The following CAMSAP1 variants were observed in gnomAD, a reference collection of about 807,000 sequenced individuals.
CAMSAP1 encodes calmodulin regulated spectrin associated protein 1.
CAMSAP1 carries 58 observed loss-of-function variants against 143.5 expected under a neutral mutation model. The observed-to-expected ratio is 0.40, with a 90% confidence interval of 0.33 to 0.50. CAMSAP1 has a LOEUF of 0.50. CAMSAP1 is among the 20% of genes least tolerant of loss of function. CAMSAP1 has a pLI of 0.45. For missense variants in CAMSAP1, 1,969 were observed against 2,115.7 expected (o/e 0.93, Z 1.36); for synonymous variants, 945 against 859.3 (o/e 1.10, Z -1.74).
Position 135,822,037 on chromosome 9 carries a change from G to A in CAMSAP1, c.2624C>T (p.Ala875Val). 1 of 1,612,672 alleles carries A rather than the reference G, an allele frequency of 6.2e-7. No individual in the cohort carries two copies. The change falls in exon 11 of 17, where the codon GCA becomes GTA. Residue 875 changes from alanine (A) to valine (V), a missense_variant. Physicochemically the swap from Ala to Val is moderately conservative, Grantham distance 64. Coordinates refer to ENST00000389532, the MANE Select transcript of CAMSAP1 (RefSeq NM_015447.4). The surrounding 1 kb of genome is among the most constrained non-coding windows in gnomAD (Gnocchi z 6.1). ...QHGKDPASLL[A>V]SELVQLHMQL... ...CATGTGCAGCTGTACCAGCTCAGAT[G>A]CCAGGAGGCTGGCGGGATCCTTGCC... is the stretch of plus-strand genomic sequence containing the variant.
At chr9:135,846,705 CA>C (rs1433607717) in intron 7 of CAMSAP1, among the ~76,000 whole-genome samples, 1 of 126,398 alleles carries the variant, frequency 7.9e-6, no homozygotes, top group African/African-American at 3.0e-5. Flanking sequence ...AAAAAAAAAT[CA>C]AAAAGTGGGC....
At chr9:135,865,057 C>T (rs1837327002) in intron 4 of CAMSAP1, among the ~76,000 whole-genome samples, 1 of 152,174 alleles carries the variant, frequency 6.6e-6, no homozygotes, top group African/African-American at 2.4e-5. Context: ...GTATCTATCA[C>T]AAAAATGCCC....
intron 5 of CAMSAP1, among the ~76,000 whole-genome samples, chr9:135,859,180 C>A (rs1837082727): frequency 6.6e-6 from 1 of 152,242 alleles, no homozygotes; most frequent in Non-Finnish European, 1.5e-5. Flanking sequence ...GGATCTGCTG[C>A]AGTCTCACCT....
chr9:135,889,416 C>T (rs1260848829), intron 1 of CAMSAP1, among the ~76,000 whole-genome samples: 2 of 152,186 alleles, frequency 1.3e-5, no homozygotes, highest in Admixed American at 1.3e-4. Flanking sequence ...GGCAATGTCC[C>T]AAGGTTGGGA....
Position 135,891,167 on chromosome 9 carries a change from G to A in CAMSAP1, c.161-8089C>T, listed in dbSNP as rs573299056. Reference sequence around the variant, plus strand: ...GAGGAAAAGGGGCCCCTACAAGCTGGAGGGGGAATCCTGAGGGCTCCCACT... The same window carrying A: ...GAGGAAAAGGGGCCCCTACAAGCTGAAGGGGGAATCCTGAGGGCTCCCACT... On this transcript the variant is annotated intron_variant, in intron 1 of 16. Coordinates refer to ENST00000389532, the MANE Select transcript of CAMSAP1 (RefSeq NM_015447.4). Among the ~76,000 whole-genome samples, 10 of 152,288 alleles carry A rather than the reference G, an allele frequency of 6.6e-5. No homozygotes were observed. In the East Asian group the frequency reaches 1.9e-3, roughly 29 times the overall value.
At chr9:135,867,074 T>C (rs1837402396) in intron 3 of CAMSAP1, among the ~76,000 whole-genome samples, 1 of 152,072 alleles carries the variant, frequency 6.6e-6, no homozygotes, top group Non-Finnish European at 1.5e-5. Context: ...TAACTCAATA[T>C]CAAAATTGCA....
intron 4 of CAMSAP1, among the ~76,000 whole-genome samples, chr9:135,863,009 A>G (rs1004163805): frequency 6.6e-6 from 1 of 152,246 alleles, no homozygotes; most frequent in Non-Finnish European, 1.5e-5. Context: ...CCTGACGCTC[A>G]GAAGACCCAA....
chr9:135,902,429 G>C (rs559858665), intron 1 of CAMSAP1, among the ~76,000 whole-genome samples: 4 of 152,150 alleles, frequency 2.6e-5, no homozygotes, highest in Non-Finnish European at 5.9e-5. Context: ...GGTTTCACCT[G>C]TAAATTTAAA....
chr9:135,859,645 G>A (rs999930060), intron 5 of CAMSAP1, among the ~76,000 whole-genome samples: 1 of 151,804 alleles, frequency 6.6e-6, no homozygotes, highest in African/African-American at 2.4e-5. Context: ...ACCCACCTCG[G>A]CCTCCCAAAG....
At chr9:135,866,619 ACTTCACCT>A (rs1361193888) in intron 3 of CAMSAP1, 83 bp from the exon 4 acceptor site, 1 of 707,600 alleles carries the variant, frequency 1.4e-6, no homozygotes, top group Non-Finnish European at 2.5e-6. Flanking sequence ...AGAGACCCCC[ACTTCACCT>A]GATTCACCTC....
At chr9:135,844,192 T>C (rs1836468035) in intron 7 of CAMSAP1, among the ~76,000 whole-genome samples, 1 of 152,146 alleles carries the variant, frequency 6.6e-6, no homozygotes, top group Non-Finnish European at 1.5e-5. Context: ...ATTGACCACA[T>C]AATTGGAAGT....
intron 3 of CAMSAP1, among the ~76,000 whole-genome samples, chr9:135,876,338 A>G (rs1479798924): frequency 6.6e-6 from 1 of 152,244 alleles, no homozygotes; most frequent in Non-Finnish European, 1.5e-5. Flanking sequence ...ACATCTGACA[A>G]GGCCCTTGAT....
At chr9:135,835,726 C>A (rs1443536033) in intron 7 of CAMSAP1, among the ~76,000 whole-genome samples, 2 of 152,200 alleles carry the variant, frequency 1.3e-5, no homozygotes, top group Admixed American at 1.3e-4. Flanking sequence ...CGCCTGTAAG[C>A]CCAGCACTTT....
intron 6 of CAMSAP1, 39 bp downstream of exon 6, chr9:135,850,283 C>A (rs780517342): frequency 6.2e-7 from 1 of 1,612,230 alleles, no homozygotes; most frequent in Non-Finnish European, 8.5e-7. Flanking sequence ...TTTATTCACA[C>A]ATGGTTTTAA....
intron 1 of CAMSAP1, among the ~76,000 whole-genome samples, chr9:135,890,457 C>A (rs1357133163): frequency 6.6e-6 from 1 of 152,162 alleles, no homozygotes; most frequent in Non-Finnish European, 1.5e-5. Flanking sequence ...CTGGGAGGAG[C>A]TGTCCGTGCC....
chr9:135,873,612 G>C (rs1837638045), intron 3 of CAMSAP1, among the ~76,000 whole-genome samples: 1 of 151,838 alleles, frequency 6.6e-6, no homozygotes, highest in Non-Finnish European at 1.5e-5. Flanking sequence ...ACAGATCGCA[G>C]GTATATTAAA....
At position 135,821,844 on chromosome 9, in the gene CAMSAP1, G is replaced by C; in HGVS notation, c.2817C>G (p.Tyr939Ter). ...CACAGTCCTCCCCGTTGTGCTGAGAGTACTCCTTTGCAAAGTGCTCCGGCC... is the reference window on the plus strand; with the variant it reads ...CACAGTCCTCCCCGTTGTGCTGAGACTACTCCTTTGCAAAGTGCTCCGGCC... ...PLRPEHFAKEYSQHNGEDCGD... is the reference protein window; with the variant it reads ...PLRPEHFAKE Residue 939 changes from tyrosine (Y) to a stop codon, truncating the protein, a stop_gained, in exon 11 of 17, where the codon TAC (tyrosine) becomes TAG (stop). Transcript: ENST00000389532. LOFTEE classifies it high-confidence loss of function. This position sits in a 1 kb window ranked among gnomAD's most constrained non-coding sequence, Gnocchi z 4.6. 6.2e-7 allele frequency: 1 copy of C among 1,614,040 alleles called. No individual in the cohort carries two copies. The highest frequency in any genetic ancestry group is 8.5e-7 in the Non-Finnish European group (1 of 1,179,900).
At chr9:135,843,423 TCAAAA>T (rs529239274) in intron 7 of CAMSAP1, among the ~76,000 whole-genome samples, 47 of 151,604 alleles carry the variant, frequency 3.1e-4, no homozygotes, top group African/African-American at 1.1e-3. Flanking sequence ...GTACAAAGAC[TCAAAA>T]TAAAGGGATG....
chr9:135,870,947 T>C (rs746347244), intron 3 of CAMSAP1, among the ~76,000 whole-genome samples: 6 of 152,362 alleles, frequency 3.9e-5, no homozygotes, highest in Non-Finnish European at 7.3e-5. Context: ...TGAGAAACTA[T>C]TGTTTGTCAA....
Sources: gnomAD v4.1 joint callset for allele counts (sites outside exome capture counted in the v4.1 genomes callset) on GRCh38, gnomAD v4.1.1 for gene constraint, Gnocchi (gnomAD v3.1) non-coding constraint, MANE v1.5 for transcripts, NCBI Gene and HGNC (gene_info 2026-07-23, HGNC 2026-07-21) for gene names.